The following GCNT2 variants were observed in gnomAD, a reference collection of about 807,000 sequenced individuals.
The protein encoded by GCNT2 is glucosaminyl (N-acetyl) transferase 2 (I blood group), also known as N-acetyllactosaminide beta-1,6-N-acetylglucosaminyl-transferase.
GCNT2 carries 34 observed loss-of-function variants against 34.2 expected under a neutral mutation model. The ratio of observed to expected loss-of-function variants is 1.00; its 90% confidence interval spans 0.76 to 1.32. GCNT2 has a LOEUF of 1.32. Among genes scored for constraint, GCNT2 ranks in the 40% most tolerant of loss-of-function variants. GCNT2 has a pLI of 0.00. For missense variants in GCNT2, 584 were observed against 489.4 expected (o/e 1.19, Z -1.82); for synonymous variants, 212 against 188.0 (o/e 1.13, Z -1.04).
At chr6:10,582,460 TAA>T (rs1474573920) in intron 3 of GCNT2, among the ~76,000 whole-genome samples, 11 of 126,852 alleles carry the variant, frequency 8.7e-5, no homozygotes, top group African/African-American at 3.4e-4. Context: ...ATATATATAA[TAA>T]ATATAATATA....
intron 3 of GCNT2, among the ~76,000 whole-genome samples, chr6:10,548,968 A>C (rs1263768873): frequency 6.6e-6 from 1 of 152,180 alleles, no homozygotes; most frequent in Non-Finnish European, 1.5e-5. Context: ...CACGTTGGAC[A>C]GGCTGGTCTT....
intron 3 of GCNT2, among the ~76,000 whole-genome samples, chr6:10,583,732 T>A (rs1287234808): frequency 1.3e-5 from 2 of 152,176 alleles, no homozygotes; most frequent in African/African-American, 4.8e-5. Flanking sequence ...ATGAGAATCC[T>A]TTAAGTTCTT....
At chr6:10,575,595 T>C (rs1250610484) in intron 3 of GCNT2, among the ~76,000 whole-genome samples, 1 of 152,142 alleles carries the variant, frequency 6.6e-6, no homozygotes, top group Non-Finnish European at 1.5e-5. Flanking sequence ...TCACATCCCC[T>C]GTGACTTGCA....
At chr6:10,557,611 C>G (rs970613040) in intron 3 of GCNT2, among the ~76,000 whole-genome samples, 8 of 151,940 alleles carry the variant, frequency 5.3e-5, no homozygotes, top group African/African-American at 1.9e-4. Context: ...CTTCAGTCTC[C>G]TGAGTAGCTG....
intron 3 of GCNT2, among the ~76,000 whole-genome samples, chr6:10,552,710 C>G (rs1581395397): frequency 1.3e-5 from 2 of 152,196 alleles, no homozygotes; most frequent in Non-Finnish European, 2.9e-5. Context: ...ATCCCTGGAA[C>G]AGGGACGACT....
chr6:10,550,146 C>T (rs1156284074), intron 3 of GCNT2, among the ~76,000 whole-genome samples: 3 of 152,094 alleles, frequency 2.0e-5, no homozygotes, highest in African/African-American at 4.8e-5. Flanking sequence ...CTCTGCTTCC[C>T]GGGTTCAAGT....
At chr6:10,531,945 A>G (rs1194599180) in intron 3 of GCNT2, among the ~76,000 whole-genome samples, 2 of 150,410 alleles carry the variant, frequency 1.3e-5, no homozygotes, top group Admixed American at 6.7e-5. Context: ...AAAGACTTGA[A>G]GAGGGATCGG....
intron 3 of GCNT2, among the ~76,000 whole-genome samples, chr6:10,615,619 A>G (rs1765725542): frequency 6.6e-6 from 1 of 152,210 alleles, no homozygotes; most frequent in African/African-American, 2.4e-5. Flanking sequence ...TGGATCTTGC[A>G]AAAGAATGAA....
rs139882291 is a variant in GCNT2, at chr6:10,599,454, T to G, written c.926-21897T>G. Among the ~76,000 whole-genome samples, 294 of 152,338 alleles carry G rather than the reference T, an allele frequency of 1.9e-3. 1 individual carries two copies. Among genetic ancestry groups the G allele is most frequent in the African/African-American group, 7.0e-3 (291 of 41,568 alleles). ...CTGAACCAGACTGAAACCGGGTGTT[T>G]CAGTGAGAGGCATCTTGCCCATCTC... On this transcript the variant is annotated intron_variant, in intron 3 of 4. Coordinates refer to ENST00000495262, the MANE Select transcript of GCNT2 (RefSeq NM_145649.5).
intron 3 of GCNT2, among the ~76,000 whole-genome samples, chr6:10,565,897 C>CCCA (rs1479105121): frequency 1.3e-5 from 2 of 152,174 alleles, no homozygotes; most frequent in Non-Finnish European, 2.9e-5. Context: ...GTAACATGCA[C>CCCA]CCATGATCAT....
At chr6:10,586,780 C>T in intron 3 of GCNT2, 1 of 1,614,010 alleles carries the variant, frequency 6.2e-7, no homozygotes, top group Non-Finnish European at 8.5e-7. Flanking sequence ...TACTTTGGCA[C>T]TGCCTATGTG....
chr6:10,569,276 C>T lies in GCNT2; in HGVS notation c.925+39440C>T, dbSNP rs1300442830. Among the ~76,000 whole-genome samples the T allele has an allele frequency of 2.1e-5, 3 of 144,160 alleles. 1 individual carries two copies. The highest frequency in any genetic ancestry group is 4.6e-5 in the Non-Finnish European group (3 of 65,656). 94.6% of individuals were successfully genotyped at this position (144,160 alleles called of 152,430 possible). A position where few individuals can be genotyped will look rare whatever the true frequency, so the allele number is the denominator to read the frequency against. ...ACACACACACACACACACACACACCCCCTAGGTAATTTTGCCAAATCCTGA... is the reference window on the plus strand; with the variant it reads ...ACACACACACACACACACACACACCTCCTAGGTAATTTTGCCAAATCCTGA... On this transcript the variant is annotated intron_variant, in intron 3 of 4. Transcript: ENST00000495262.
At chr6:10,548,616 A>G (rs543297238) in intron 3 of GCNT2, among the ~76,000 whole-genome samples, 2 of 152,358 alleles carry the variant, frequency 1.3e-5, no homozygotes, top group East Asian at 1.9e-4. Flanking sequence ...TGTACTTCAT[A>G]TAAGTGGAAA....
chr6:10,592,810 C>T (rs183222756), intron 3 of GCNT2, among the ~76,000 whole-genome samples: 14 of 151,922 alleles, frequency 9.2e-5, no homozygotes, highest in Admixed American at 9.2e-4. Flanking sequence ...GGTGTGGTCT[C>T]GGCTCACACA....
chr6:10,586,006 A>G (rs1764325875), intron 3 of GCNT2: 3 of 1,614,102 alleles, frequency 1.9e-6, no homozygotes, highest in African/African-American at 2.7e-5. Context: ...TTTTGGAGGT[A>G]CTGCTTTTTT....
intron 3 of GCNT2, among the ~76,000 whole-genome samples, chr6:10,606,675 T>TGGAAATTTCCAGTAAAGA (rs1765331154): frequency 6.7e-6 from 1 of 149,492 alleles, no homozygotes. Flanking sequence ...AGAAATTTAA[T>TGGAAATTTCCAGTAAAGA]AGTGGTTGAG....
intron 3 of GCNT2, among the ~76,000 whole-genome samples, chr6:10,553,292 G>A (rs144948616): frequency 1.8e-4 from 28 of 152,296 alleles, no homozygotes; most frequent in African/African-American, 6.0e-4. Flanking sequence ...CTCTGGCAAG[G>A]AGATGAAGTC....
At chr6:10,552,067 G>A (rs534446097) in intron 3 of GCNT2, among the ~76,000 whole-genome samples, 1 of 152,268 alleles carries the variant, frequency 6.6e-6, no homozygotes, top group South Asian at 2.1e-4. Context: ...CCTGAGATGA[G>A]AATTTAAAAT....
At chr6:10,619,996 TGAG>T (rs753822480) in intron 3 of GCNT2, among the ~76,000 whole-genome samples, 1 of 152,228 alleles carries the variant, frequency 6.6e-6, no homozygotes, top group Non-Finnish European at 1.5e-5. Flanking sequence ...CTTCCAATGT[TGAG>T]GACCCTTGTG....
Sources: gnomAD v4.1 joint callset for allele counts (sites outside exome capture counted in the v4.1 genomes callset) on GRCh38, gnomAD v4.1.1 for gene constraint, MANE v1.5 for transcripts, NCBI Gene and HGNC (gene_info 2026-07-23, HGNC 2026-07-21) for gene names.